ADNP: variants seen among roughly 807,000 people sequenced by gnomAD.
ADNP encodes activity dependent neuroprotector homeobox, also known as activity-dependent neuroprotector homeobox protein.
A neutral mutation model predicts 84.9 loss-of-function variants in ADNP; 4 were observed. That is an observed-to-expected ratio of 0.05 (90% CI 0.02 to 0.11). ADNP has a LOEUF of 0.11. ADNP is among the 10% of genes least tolerant of loss of function. The pLI is 1.00. For synonymous variants in ADNP, 554 were observed against 468.1 expected, an observed-to-expected ratio of 1.18 and a Z score of -2.37; for missense variants, 1,132 against 1,326.0, an observed-to-expected ratio of 0.85 and a Z score of 2.27.
intron 2 of ADNP, among the ~76,000 whole-genome samples, chr20:50,911,632 C>T (rs6013040): frequency 0.095 from 14,459 of 151,768 alleles, 1,871 homozygotes; most frequent in African/African-American, 0.29. Context: ...TCTGGCACAC[C>T]AAGAATTAGT....
At chr20:50,929,642 G>A (rs1315372536) in intron 1 of ADNP, among the ~76,000 whole-genome samples, 3 of 152,050 alleles carry the variant, frequency 2.0e-5, no homozygotes, top group Non-Finnish European at 4.4e-5. Context: ...GGTGGGGGCT[G>A]GTATTTTCTC....
intron 3 of ADNP, 64 bp from the exon 4 acceptor site, chr20:50,904,065 C>T (rs1982241519): frequency 8.0e-7 from 1 of 1,252,322 alleles, no homozygotes; most frequent in East Asian, 2.4e-5. Context: ...TTACTAATTC[C>T]ACTGATGATA....
intron 2 of ADNP, among the ~76,000 whole-genome samples, chr20:50,921,127 C>T (rs965151962): frequency 3.3e-5 from 5 of 152,142 alleles, no homozygotes; most frequent in Non-Finnish European, 5.9e-5. Flanking sequence ...AGTCAGTTAC[C>T]ATTATCACCT....
intron 2 of ADNP, among the ~76,000 whole-genome samples, chr20:50,918,628 C>A (rs980426580): frequency 2.6e-5 from 4 of 152,152 alleles, no homozygotes; most frequent in Non-Finnish European, 5.9e-5. Context: ...AGATTTAGTA[C>A]AGCTGGGTTA....
intron 2 of ADNP, among the ~76,000 whole-genome samples, chr20:50,922,668 C>T (rs1317815764): frequency 6.6e-6 from 1 of 151,384 alleles, no homozygotes; most frequent in African/African-American, 2.4e-5. Flanking sequence ...TAACCTCTGC[C>T]TCCCGGGTTT....
chr20:50,923,123 C>G (rs1361412227), intron 2 of ADNP, among the ~76,000 whole-genome samples: 1 of 152,084 alleles, frequency 6.6e-6, no homozygotes, highest in Non-Finnish European at 1.5e-5. Context: ...TGTTATGAGC[C>G]AGGAACCGTG....
chr20:50,927,284 G>A (rs1056653442), intron 2 of ADNP, among the ~76,000 whole-genome samples: 1 of 151,912 alleles, frequency 6.6e-6, no homozygotes, highest in Non-Finnish European at 1.5e-5. Flanking sequence ...AAGGGCCAAG[G>A]GTCATTAAGA....
At chr20:50,903,574 A>G (rs1365543566) in intron 4 of ADNP, among the ~76,000 whole-genome samples, 1 of 152,174 alleles carries the variant, frequency 6.6e-6, no homozygotes, top group African/African-American at 2.4e-5. Context: ...TGAAGTGGAG[A>G]TAAGAACTGC....
intron 2 of ADNP, among the ~76,000 whole-genome samples, chr20:50,916,195 C>T (rs1019880029): frequency 6.6e-6 from 1 of 152,060 alleles, no homozygotes; most frequent in Non-Finnish European, 1.5e-5. Context: ...TTTACAAAAA[C>T]GTTTAGTCAA....
At chr20:50,894,578 C>A in intron 5 of ADNP, 66 bp from the exon 6 acceptor site, 2 of 1,475,798 alleles carry the variant, frequency 1.4e-6, no homozygotes. Context: ...GATTCCAGAT[C>A]CCCCCCGGAT....
rs1330468086 is a variant in ADNP, at chr20:50,891,683, G to A, written c.3031C>T (p.Pro1011Ser). ...ATGGTAGCCTTTTTTTTGGCAGCTGGCTTACTGCTCCTTGCATCTTCGCTT... is the reference window on the plus strand; with the variant it reads ...ATGGTAGCCTTTTTTTTGGCAGCTGACTTACTGCTCCTTGCATCTTCGCTT... The part of the protein sequence containing the change: ...SQSEDARSSK[P>S]AAKKKATMQG... The change falls in exon 6 of 6, where the codon CCA (proline) becomes TCA (serine). Residue 1011 changes from proline (P) to serine (S), a missense_variant. By Grantham distance (74) the Pro-to-Ser change is moderately conservative. This residue lies in a region of ADNP where 381 missense variants were observed against 319.9 expected (regional missense o/e 1.19). Coordinates refer to ENST00000621696, the MANE Select transcript of ADNP (RefSeq NM_001282531.3). The A allele has an allele frequency of 6.8e-6, 11 of 1,614,020 alleles. No individual in the cohort carries two copies. Among genetic ancestry groups the A allele is most frequent in the Non-Finnish European group, 9.3e-6 (11 of 1,180,000 alleles).
intron 2 of ADNP, among the ~76,000 whole-genome samples, chr20:50,910,356 G>A (rs1238713986): frequency 1.3e-5 from 2 of 152,214 alleles, no homozygotes; most frequent in Admixed American, 1.3e-4. Flanking sequence ...AGGTGTGGGT[G>A]CAATGTCTCA....
intron 2 of ADNP, among the ~76,000 whole-genome samples, chr20:50,920,851 CCTTAT>C (rs1281767548): frequency 6.6e-6 from 1 of 152,130 alleles, no homozygotes; most frequent in Non-Finnish European, 1.5e-5. Flanking sequence ...AAAATTTGTA[CCTTAT>C]AACTTCAAAC....
intron 5 of ADNP, among the ~76,000 whole-genome samples, chr20:50,900,242 T>A (rs562673277): frequency 6.6e-6 from 1 of 152,202 alleles, no homozygotes; most frequent in Non-Finnish European, 1.5e-5. Context: ...ATCACTCTTA[T>A]AGTATTCAGT....
At chr20:50,927,926 T>TA (rs2123016745) in intron 2 of ADNP, among the ~76,000 whole-genome samples, 1 of 152,350 alleles carries the variant, frequency 6.6e-6, no homozygotes, top group South Asian at 2.1e-4. Context: ...TTTCAGAACT[T>TA]AAATAACTGC....
intron 2 of ADNP, chr20:50,905,130 C>T (rs1600959371): frequency 6.6e-6 from 1 of 152,070 alleles, no homozygotes; most frequent in East Asian, 1.9e-4. Flanking sequence ...ATCAACTTTC[C>T]CAAGTTCCTT....
At position 50,893,441 on chromosome 20, in the gene ADNP, T is replaced by C. The variant is rs1191171428; in HGVS notation, c.1273A>G (p.Ser425Gly). ...GTGGCAGCTGCAGCAGGTTTGGAAC[T>C]GGACTGACCTAACACTCTGGATGCC... ...SQASRVLGQSSSKPAAAATGP... is the reference protein window; with the variant it reads ...SQASRVLGQSGSKPAAAATGP... Residue 425 changes from serine (S) to glycine (G), a missense_variant, in exon 6 of 6, where the codon AGT becomes GGT. By Grantham distance (56) the Ser-to-Gly change is moderately conservative. Around this residue, in one of 10 missense-constraint regions of ADNP, gnomAD observed 239 missense variants for 213.2 expected, o/e 1.12. Transcript: ENST00000621696. This position sits in a 1 kb window ranked among gnomAD's most constrained non-coding sequence, Gnocchi z 4.4. 6.2e-7 allele frequency: 1 copy of C among 1,614,026 alleles called. No homozygotes were observed. Among genetic ancestry groups the C allele is most frequent in the Non-Finnish European group, 8.5e-7 (1 of 1,180,040 alleles).
chr20:50,929,909 A>C (rs1378169230), intron 1 of ADNP, among the ~76,000 whole-genome samples: 2 of 152,040 alleles, frequency 1.3e-5, no homozygotes, highest in Non-Finnish European at 2.9e-5. Context: ...TAAATTCAAG[A>C]AGATTAAGAA....
chr20:50,892,845 A>G lies in ADNP; in HGVS notation c.1869T>C (p.Leu623=). 1 of 1,614,264 alleles carries G rather than the reference A, an allele frequency of 6.2e-7. No individual in the cohort carries two copies. The highest frequency in any genetic ancestry group is 8.5e-7 in the Non-Finnish European group (1 of 1,180,054). The part of the protein sequence containing the change: ...VPYKKDVGKT[L]CPLCFSILKG... ...TTAGGATTGAAAAGCAAAGAGGACA[A>G]AGGGTTTTCCCAACATCTTTTTTAT... Residue 623 remains leucine, a synonymous_variant, in exon 6 of 6, where the codon CTT becomes CTC. Coordinates refer to ENST00000621696, the MANE Select transcript of ADNP (RefSeq NM_001282531.3).
Sources: gnomAD v4.1 joint callset for allele counts (sites outside exome capture counted in the v4.1 genomes callset) on GRCh38, gnomAD v4.1.1 for gene constraint, gnomAD v4.1.1 regional missense constraint, Gnocchi (gnomAD v3.1) non-coding constraint, MANE v1.5 for transcripts, NCBI Gene and HGNC (gene_info 2026-07-23, HGNC 2026-07-21) for gene names.